CACNB2: variants seen among roughly 807,000 people sequenced by gnomAD.
CACNB2 encodes the protein voltage-dependent L-type calcium channel subunit beta-2.
Under a neutral mutation model 73.3 loss-of-function variants are expected in CACNB2, and 42 were observed. The observed-to-expected ratio is 0.57, with a 90% CI of 0.45 to 0.74. CACNB2 has a LOEUF of 0.74. Among genes scored for constraint, CACNB2 ranks in the 30% least tolerant of loss-of-function variants. The probability of loss-of-function intolerance (pLI) is 0.00; values close to 1 mark genes in which losing one functional copy is unlikely to be tolerated. For synonymous variants in CACNB2, 348 were observed against 310.3 expected (o/e 1.12, Z -1.28); for missense variants, 940 against 853.0 (o/e 1.10, Z -1.27).
intron 9 of CACNB2, 139 bp from the exon 10 acceptor site, chr10:18,527,449 G>C: frequency 1.6e-6 from 1 of 644,476 alleles, no homozygotes; most frequent in Non-Finnish European, 2.8e-6. Flanking sequence ...AAATGAATAA[G>C]TAAGTATCCT....
At chr10:18,327,550 G>A (rs1053203963) in intron 2 of CACNB2, among the ~76,000 whole-genome samples, 17 of 152,084 alleles carry the variant, frequency 1.1e-4, no homozygotes, top group African/African-American at 3.6e-4. Flanking sequence ...TCAGCCTCCT[G>A]AGTAGGTGGG....
At chr10:18,328,388 A>G (rs2040668037) in intron 2 of CACNB2, among the ~76,000 whole-genome samples, 1 of 152,186 alleles carries the variant, frequency 6.6e-6, no homozygotes, top group Non-Finnish European at 1.5e-5. Context: ...CAAGGCTGAG[A>G]AAGACTGGTT....
chr10:18,292,461 G>A (rs973955522), intron 2 of CACNB2, among the ~76,000 whole-genome samples: 2 of 152,142 alleles, frequency 1.3e-5, no homozygotes, highest in African/African-American at 2.4e-5. Flanking sequence ...TTCGAGACCA[G>A]CCTGGCCAAT....
chr10:18,261,418 T>G, intron 2 of CACNB2: 1 of 1,480,984 alleles, frequency 6.8e-7, no homozygotes, highest in Non-Finnish European at 9.2e-7. Flanking sequence ...TTCCCTGTGC[T>G]GAACCAACCA....
chr10:18,164,145 A>C (rs976486134), intron 2 of CACNB2, among the ~76,000 whole-genome samples: 1 of 152,250 alleles, frequency 6.6e-6, no homozygotes, highest in Non-Finnish European at 1.5e-5. Flanking sequence ...CACCATGTGC[A>C]ATCACAATGT....
chr10:18,507,647 A>G (rs1261996911), intron 6 of CACNB2, among the ~76,000 whole-genome samples: 1 of 152,080 alleles, frequency 6.6e-6, no homozygotes, highest in Non-Finnish European at 1.5e-5. Flanking sequence ...AAAAAAAAGC[A>G]CATGATCAGT....
rs775440349 is a variant in CACNB2, at chr10:18,214,364, G to A, written c.213+63389G>A. Among the ~76,000 whole-genome samples, 6 of 75,256 alleles carry A rather than the reference G, an allele frequency of 8.0e-5. 3 individuals carry two copies. The highest frequency in any genetic ancestry group is 2.5e-4 in the Non-Finnish European group (6 of 24,272). The allele number at this position is 75,256 out of a possible 152,430, so 49.4% of individuals were successfully genotyped here. A position where few individuals can be genotyped will look rare whatever the true frequency, so the allele number is the denominator to read the frequency against. On this transcript the variant is annotated intron_variant, in intron 2 of 13. Transcript: ENST00000324631. ...ACTGTGACTGGGTGCAGTGGCTCACGCCTGTAATCGCAGCACTTTGAGAGG... is the reference window on the plus strand; with the variant it reads ...ACTGTGACTGGGTGCAGTGGCTCACACCTGTAATCGCAGCACTTTGAGAGG...
chr10:18,201,670 C>A (rs1011703440), intron 2 of CACNB2, among the ~76,000 whole-genome samples: 2 of 152,102 alleles, frequency 1.3e-5, no homozygotes, highest in South Asian at 4.2e-4. Context: ...CAGATTAGGG[C>A]GATAGCATAT....
At chr10:18,258,987 G>A (rs961428057) in intron 2 of CACNB2, among the ~76,000 whole-genome samples, 3 of 151,786 alleles carry the variant, frequency 2.0e-5, no homozygotes, top group African/African-American at 7.2e-5. Flanking sequence ...TCACTAAAGT[G>A]TCCTTATTTT....
intron 3 of CACNB2, among the ~76,000 whole-genome samples, chr10:18,481,205 TATATATATATATATA>T (rs2048716598): frequency 8.5e-5 from 1 of 11,832 alleles, no homozygotes. Flanking sequence ...TATATATATA[TATATATATATATATA>T]TATATATATA....
chr10:18,352,388 A>G (rs1197204693), intron 2 of CACNB2, among the ~76,000 whole-genome samples: 1 of 152,238 alleles, frequency 6.6e-6, no homozygotes, highest in Non-Finnish European at 1.5e-5. Flanking sequence ...CACTGTATGA[A>G]AGCTCTTAGG....
At chr10:18,442,206 A>G (rs187354432) in intron 3 of CACNB2, among the ~76,000 whole-genome samples, 73 of 152,064 alleles carry the variant, frequency 4.8e-4, no homozygotes, top group African/African-American at 1.8e-3. Context: ...CTGGAGGACA[A>G]TGGCGCGATC....
At chr10:18,313,516 G>T (rs2040040809) in intron 2 of CACNB2, among the ~76,000 whole-genome samples, 1 of 151,650 alleles carries the variant, frequency 6.6e-6, no homozygotes. Flanking sequence ...TTTCCTATTT[G>T]CTTCTCTGAA....
intron 2 of CACNB2, among the ~76,000 whole-genome samples, chr10:18,285,949 A>T (rs1182535340): frequency 6.6e-6 from 1 of 152,208 alleles, no homozygotes; most frequent in Non-Finnish European, 1.5e-5. Context: ...TAAGTGAATA[A>T]TAAGAAATTT....
intron 3 of CACNB2, among the ~76,000 whole-genome samples, chr10:18,410,024 T>G (rs2044529162): frequency 6.6e-6 from 1 of 152,164 alleles, no homozygotes. Flanking sequence ...ATAAGTCCAA[T>G]GTCCAGTCAG....
intron 2 of CACNB2, among the ~76,000 whole-genome samples, chr10:18,339,020 G>T (rs551846925): frequency 4.6e-5 from 7 of 151,958 alleles, no homozygotes; most frequent in Non-Finnish European, 1.0e-4. Flanking sequence ...AATTATAGGC[G>T]TGAGCTACCA....
rs189528711 is a variant in CACNB2, at chr10:18,225,762, C to A, written c.213+74787C>A. 1.8e-3 allele frequency among the ~76,000 whole-genome samples: 273 copies of A among 152,150 alleles called. 1 individual carries two copies. Among genetic ancestry groups the A allele is most frequent in the African/African-American group, 6.4e-3 (264 of 41,514 alleles). ...TCTAATGATCTTCCCACCTCAGTCA[C>A]CCTAGTAGCTGGAACTACAGATGTG... On this transcript the variant is annotated intron_variant, in intron 2 of 13. Coordinates refer to ENST00000324631, the MANE Select transcript of CACNB2 (RefSeq NM_201596.3).
At chr10:18,420,330 C>CAG (rs147004230) in intron 3 of CACNB2, among the ~76,000 whole-genome samples, 60 of 147,684 alleles carry the variant, frequency 4.1e-4, no homozygotes, top group South Asian at 2.6e-3. Context: ...CACACACACA[C>CAG]AGAGAGAGAG....
intron 2 of CACNB2, among the ~76,000 whole-genome samples, chr10:18,191,378 T>C (rs2034388410): frequency 6.6e-6 from 1 of 152,234 alleles, no homozygotes; most frequent in Admixed American, 6.5e-5. Context: ...CCTGTGCTTC[T>C]TGTTTCAGTG....
Sources: gnomAD v4.1 joint callset for allele counts (sites outside exome capture counted in the v4.1 genomes callset) on GRCh38, gnomAD v4.1.1 for gene constraint, MANE v1.5 for transcripts, NCBI Gene and HGNC (gene_info 2026-07-23, HGNC 2026-07-21) for gene names.